C20orf173: variants seen among roughly 807,000 people sequenced by gnomAD.
C20orf173 encodes chromosome 20 open reading frame 173.
Under a neutral mutation model 26.7 loss-of-function variants are expected in C20orf173, and 22 were observed. The ratio of observed to expected loss-of-function variants is 0.82; its 90% confidence interval spans 0.59 to 1.18. C20orf173 has a LOEUF of 1.18. Ranked by LOEUF, C20orf173 falls within the 50% of genes most tolerant of loss-of-function variation. The probability of loss-of-function intolerance (pLI) is 0.00; values close to 1 mark genes in which losing one functional copy is unlikely to be tolerated. For synonymous variants in C20orf173, 85 were observed against 96.4 expected, an observed-to-expected ratio of 0.88 and a Z score of 0.69; for missense variants, 210 against 250.3, an observed-to-expected ratio of 0.84 and a Z score of 1.09.
chr20:35,528,490 G>T lies in C20orf173; in HGVS notation c.543C>A (p.Leu181=). Residue 181 remains leucine, a synonymous_variant, in exon 4 of 6, where the codon CTC becomes CTA. Transcript: ENST00000444723. The part of the protein sequence containing the change: ...WMQLEMLLRK[L]SDLVWTSDAL... ...CATCTGAAGTCCACACCAGGTCAGA[G>T]AGCTTCCGCAGTAGCATCTCCAGCT... 6.4e-7 allele frequency: 1 copy of T among 1,551,744 alleles called. No individual in the cohort carries two copies. Among genetic ancestry groups the T allele is most frequent in the Non-Finnish European group, 8.7e-7 (1 of 1,147,012 alleles).
chr20:35,527,441 C>T (rs191333973), intron 5 of C20orf173, among the ~76,000 whole-genome samples, 191 bp from the exon 6 acceptor site: 1 of 152,106 alleles, frequency 6.6e-6, no homozygotes, highest in African/African-American at 2.4e-5. Flanking sequence ...AATGTCAACT[C>T]ACTTTTCCTC....
chr20:35,528,726 T>A lies in C20orf173; in HGVS notation c.463A>T (p.Ile155Phe), dbSNP rs535221514. 6.5e-7 allele frequency: 1 copy of A among 1,539,722 alleles called. No individual in the cohort carries two copies. Among genetic ancestry groups the A allele is most frequent in the East Asian group, 2.5e-5 (1 of 40,782 alleles). Residue 155 changes from isoleucine to phenylalanine, a missense_variant, in exon 3 of 6, where the codon ATC (isoleucine) becomes TTC (phenylalanine). Coordinates refer to ENST00000444723, the MANE Select transcript of C20orf173 (RefSeq NM_001145350.2). ...IPQGSSLGND[I>F]DQYPVVFRNA... Reference sequence around the variant, plus strand: ...CTGAAAACCACGGGGTATTGGTCGATGTCGTTGCCAAGGCTGGAGCCCTGC... The same window carrying A: ...CTGAAAACCACGGGGTATTGGTCGAAGTCGTTGCCAAGGCTGGAGCCCTGC...
chr20:35,529,406 C>G lies in C20orf173; in HGVS notation c.-33G>C, dbSNP rs1268937700. 6.7e-7 allele frequency: 1 copy of G among 1,497,208 alleles called. No individual in the cohort carries two copies. Among genetic ancestry groups the G allele is most frequent in the Non-Finnish European group, 8.9e-7 (1 of 1,123,230 alleles). The allele number at this position is 1,497,208 out of a possible 1,614,324, so 92.7% of individuals were successfully genotyped here. A position where few individuals can be genotyped will look rare whatever the true frequency, so the allele number is the denominator to read the frequency against. On this transcript the variant is annotated 5_prime_UTR_variant, in exon 2 of 6. Transcript: ENST00000444723. ...CCAGGCGGTGGCTCCCGTGGTGGGC[C>G]GTAGACTGGCTTCTCTACCTGTAAG...
intron 2 of C20orf173, 89 bp downstream of exon 2, chr20:35,528,976 C>T: frequency 6.5e-7 from 1 of 1,536,902 alleles, no homozygotes; most frequent in Non-Finnish European, 8.8e-7. Context: ...GAAGACAGGG[C>T]CAAGGGCAGG....
At chr20:35,523,826 G>A (rs1271672743), downstream of C20orf173, among the ~76,000 whole-genome samples, 1 of 152,120 alleles carries the variant, frequency 6.6e-6, no homozygotes, top group Admixed American at 6.5e-5. Flanking sequence ...GAAACAGAAG[G>A]GCCACCTTGG....
downstream of C20orf173, among the ~76,000 whole-genome samples, chr20:35,521,685 C>T (rs944401574): frequency 7.3e-5 from 11 of 151,446 alleles, no homozygotes; most frequent in African/African-American, 2.4e-4. Flanking sequence ...CTTGGCTCAC[C>T]GCAACCTCCG....
rs2064525032 is a variant in C20orf173, at chr20:35,528,720, G to T, written c.469C>A (p.Gln157Lys). Residue 157 changes from glutamine (Q) to lysine (K), a missense_variant, in exon 3 of 6, where the codon CAA becomes AAA. By Grantham distance (53) the Gln-to-Lys change is moderately conservative. Coordinates refer to ENST00000444723, the MANE Select transcript of C20orf173 (RefSeq NM_001145350.2). ...ACCCACCTGAAAACCACGGGGTATT[G>T]GTCGATGTCGTTGCCAAGGCTGGAG... ...QGSSLGNDID[Q>K]YPVVFRNASD... 4 of 1,537,492 alleles carry T rather than the reference G, an allele frequency of 2.6e-6. No homozygotes were observed. Among genetic ancestry groups the T allele is most frequent in the South Asian group, 1.2e-5 (1 of 82,350 alleles).
In C20orf173 at chr20:35,528,715, G is replaced by A. The variant is rs1248474294; in HGVS notation, c.474C>T (p.Tyr158=). The A allele has an allele frequency of 6.5e-7, 1 of 1,535,522 alleles. No individual in the cohort carries two copies. Reference sequence around the variant, plus strand: ...CCAGCACCCACCTGAAAACCACGGGGTATTGGTCGATGTCGTTGCCAAGGC... The same window carrying A: ...CCAGCACCCACCTGAAAACCACGGGATATTGGTCGATGTCGTTGCCAAGGC... The part of the protein sequence containing the change: ...GSSLGNDIDQ[Y]PVVFRNASDQ... Residue 158 remains tyrosine, a synonymous_variant, in exon 3 of 6, where the codon TAC becomes TAT. Coordinates refer to ENST00000444723, the MANE Select transcript of C20orf173 (RefSeq NM_001145350.2).
At position 35,528,486 on chromosome 20, in the gene C20orf173, C is replaced by T. The variant is rs2064521688; in HGVS notation, c.547G>A (p.Asp183Asn). The T allele has an allele frequency of 1.3e-6, 2 of 1,551,626 alleles. No homozygotes were observed. The highest frequency in any genetic ancestry group is 2.7e-5 in the African/African-American group (2 of 73,058). The stretch of plus-strand genomic sequence containing the variant: ...AGAGCATCTGAAGTCCACACCAGGT[C>T]AGAGAGCTTCCGCAGTAGCATCTCC... ...QLEMLLRKLSDLVWTSDALSD... is the reference protein window; with the variant it reads ...QLEMLLRKLSNLVWTSDALSD... The change falls in exon 4 of 6, where the codon GAC becomes AAC. Residue 183 changes from aspartate to asparagine, a missense_variant. Transcript: ENST00000444723.
chr20:35,529,171 TGG>T lies in C20orf173; in HGVS notation c.201_202del (p.His67GlnfsTer10). The T allele has an allele frequency of 6.4e-7, 1 of 1,551,692 alleles. No homozygotes were observed. On this transcript the variant is annotated frameshift_variant, in exon 2 of 6. Coordinates refer to ENST00000444723, the MANE Select transcript of C20orf173 (RefSeq NM_001145350.2). LOFTEE classifies it high-confidence loss of function. ...AAGCCAGTTCCATTCGTCGGCTGTG[TGG>T]TGGCAGGAGGAGCAGTTGAGGGTCT... is the stretch of plus-strand genomic sequence containing the variant.
downstream of C20orf173, among the ~76,000 whole-genome samples, chr20:35,524,982 A>G (rs1472682338): frequency 6.6e-6 from 1 of 151,794 alleles, no homozygotes; most frequent in African/African-American, 2.4e-5. Flanking sequence ...TATAGGCATG[A>G]TCCACTGTGC....
At chr20:35,524,516 C>T (rs2064492312), downstream of C20orf173, among the ~76,000 whole-genome samples, 1 of 152,002 alleles carries the variant, frequency 6.6e-6, no homozygotes, top group Non-Finnish European at 1.5e-5. Context: ...TTAAAAATTC[C>T]TTCCTCACTT....
chr20:35,528,782 G>T lies in C20orf173; in HGVS notation c.407C>A (p.Thr136Asn). ...SVSHFDFYCG[T>N]CVLLGRPQIP... is the part of the protein sequence containing the mutation. ...CTGTGGGCGCCCCAACAGCACACAAGTCCCACAATAGAAATCAAAATGGCT... is the reference window on the plus strand; with the variant it reads ...CTGTGGGCGCCCCAACAGCACACAATTCCCACAATAGAAATCAAAATGGCT... Residue 136 changes from threonine (T) to asparagine (N), a missense_variant, in exon 3 of 6, where the codon ACT (threonine) becomes AAT (asparagine). By Grantham distance (65) the Thr-to-Asn change is moderately conservative. Coordinates refer to ENST00000444723, the MANE Select transcript of C20orf173 (RefSeq NM_001145350.2). 4 of 1,550,980 alleles carry T rather than the reference G, an allele frequency of 2.6e-6. No individual in the cohort carries two copies. The highest frequency in any genetic ancestry group is 3.5e-6 in the Non-Finnish European group (4 of 1,146,812).
chr20:35,528,799 A>G lies in C20orf173; in HGVS notation c.390T>C (p.Phe130=). Reference sequence around the variant, plus strand: ...GCACACAAGTCCCACAATAGAAATCAAAATGGCTCACCGAGAGCCTGGGAA... The same window carrying G: ...GCACACAAGTCCCACAATAGAAATCGAAATGGCTCACCGAGAGCCTGGGAA... The part of the protein sequence containing the change: ...KGIPRLSVSH[F]DFYCGTCVLL... Residue 130 remains phenylalanine (F), a synonymous_variant, in exon 3 of 6, where the codon TTT becomes TTC. Coordinates refer to ENST00000444723, the MANE Select transcript of C20orf173 (RefSeq NM_001145350.2). 6.4e-7 allele frequency: 1 copy of G among 1,551,104 alleles called. No individual in the cohort carries two copies. The highest frequency in any genetic ancestry group is 8.7e-7 in the Non-Finnish European group (1 of 1,146,806).
chr20:35,529,104 T>G lies in C20orf173; in HGVS notation c.270A>C (p.Thr90=). The change falls in exon 2 of 6, where the codon ACA becomes ACC. Residue 90 remains threonine (T), a synonymous_variant. Transcript: ENST00000444723. ...SRKTMGYLMR[T]RESMTSDTVL... Reference sequence around the variant, plus strand: ...CAGTGTCAGAGGTCATAGACTCTCTTGTCCTCATCAGGTACCCCATAGTCT... The same window carrying G: ...CAGTGTCAGAGGTCATAGACTCTCTGGTCCTCATCAGGTACCCCATAGTCT... 1 of 1,551,656 alleles carries G rather than the reference T, an allele frequency of 6.4e-7. No homozygotes were observed.
At chr20:35,528,611 G>T in intron 3 of C20orf173, 67 bp from the exon 4 acceptor site, 3 of 1,546,640 alleles carry the variant, frequency 1.9e-6, no homozygotes, top group South Asian at 2.4e-5. Flanking sequence ...TGGACTTGGG[G>T]CCTGCTTCAT....
downstream of C20orf173, chr20:35,523,069 G>A (rs1266644450): frequency 3.9e-5 from 6 of 152,476 alleles, 1 homozygote; most frequent in South Asian, 6.2e-4. Flanking sequence ...GGGGTTCAAC[G>A]GTACTGTCGA....
At position 35,528,441 on chromosome 20, in the gene C20orf173, C is replaced by G; in HGVS notation, c.582+10G>C. ...CCCACACAGAGAATGTCTGGGGACA[C>G]CTCCATCACCTTATCACTTAGAGCA... On this transcript the variant is annotated intron_variant, in intron 4 of 5. Coordinates refer to ENST00000444723, the MANE Select transcript of C20orf173 (RefSeq NM_001145350.2). The G allele has an allele frequency of 1.3e-6, 2 of 1,551,422 alleles. No individual in the cohort carries two copies. The highest frequency in any genetic ancestry group is 1.7e-6 in the Non-Finnish European group (2 of 1,146,724).
chr20:35,521,148 G>A (rs1043956939), downstream of C20orf173: 6 of 152,786 alleles, frequency 3.9e-5, no homozygotes, highest in Admixed American at 2.0e-4. Flanking sequence ...GGATACCTGA[G>A]AGATTGGATA....
Sources: gnomAD v4.1 joint callset for allele counts (sites outside exome capture counted in the v4.1 genomes callset) on GRCh38, gnomAD v4.1.1 for gene constraint, MANE v1.5 for transcripts, NCBI Gene and HGNC (gene_info 2026-07-23, HGNC 2026-07-21) for gene names.